Variants in THSD7B observed in about 807,000 individuals in gnomAD.
The protein encoded by THSD7B is thrombospondin type-1 domain-containing protein 7B.
THSD7B carries 138 observed loss-of-function variants against 213.6 expected under a neutral mutation model. That is an observed-to-expected ratio of 0.65 (90% CI 0.56 to 0.74). The LOEUF is 0.74. THSD7B is among the 30% of genes least tolerant of loss of function. The probability of loss-of-function intolerance (pLI) is 0.00; values close to 1 mark genes in which losing one functional copy is unlikely to be tolerated. For synonymous variants in THSD7B, 742 were observed against 687.0 expected, an observed-to-expected ratio of 1.08 and a Z score of -1.25; for missense variants, 1,931 against 1,991.5, an observed-to-expected ratio of 0.97 and a Z score of 0.58.
chr2:137,042,987 GA>G (rs1379357017), intron 2 of THSD7B, among the ~76,000 whole-genome samples: 1 of 152,202 alleles, frequency 6.6e-6, no homozygotes, highest in Non-Finnish European at 1.5e-5. Flanking sequence ...GCCCAGCTTG[GA>G]AAGGGTAATG....
At chr2:136,978,668 C>T (rs991983289) in intron 2 of THSD7B, among the ~76,000 whole-genome samples, 1 of 152,070 alleles carries the variant, frequency 6.6e-6, no homozygotes, top group African/African-American at 2.4e-5. Flanking sequence ...TTATTTTGAG[C>T]CTATGTTTGT....
intron 10 of THSD7B, among the ~76,000 whole-genome samples, chr2:137,254,176 T>TATTCTA (rs1201202452): frequency 6.6e-6 from 1 of 152,200 alleles, no homozygotes; most frequent in Non-Finnish European, 1.5e-5. Flanking sequence ...TACATATAGA[T>TATTCTA]GGTTCAGATA....
chr2:137,004,280 AGT>A (rs1174019077), intron 2 of THSD7B, among the ~76,000 whole-genome samples: 1 of 144,576 alleles, frequency 6.9e-6, no homozygotes, highest in Non-Finnish European at 1.5e-5. Flanking sequence ...CCCGTGACCC[AGT>A]GTGTGTGCAC....
At chr2:137,448,708 A>AG (rs1159481044) in intron 14 of THSD7B, among the ~76,000 whole-genome samples, 1 of 152,086 alleles carries the variant, frequency 6.6e-6, no homozygotes, top group Non-Finnish European at 1.5e-5. Flanking sequence ...CTGAGGCCGG[A>AG]GAATGGCGTG....
chr2:137,674,023 T>C (rs1683640861), intron 27 of THSD7B, among the ~76,000 whole-genome samples: 1 of 152,186 alleles, frequency 6.6e-6, no homozygotes, highest in South Asian at 2.1e-4. Flanking sequence ...GTAAGTGGTA[T>C]AAACATATTT....
At chr2:137,175,629 G>A (rs1172038247) in intron 7 of THSD7B, among the ~76,000 whole-genome samples, 1 of 152,140 alleles carries the variant, frequency 6.6e-6, no homozygotes, top group African/African-American at 2.4e-5. Context: ...ATCATTAACT[G>A]TGAACACTCC....
intron 5 of THSD7B, among the ~76,000 whole-genome samples, chr2:137,126,670 A>G (rs975022695): frequency 1.1e-4 from 17 of 152,116 alleles, no homozygotes; most frequent in African/African-American, 4.1e-4. Flanking sequence ...TTTCCCTCAA[A>G]AACTTTTTCT....
intron 2 of THSD7B, among the ~76,000 whole-genome samples, chr2:136,947,543 A>AT (rs1658945493): frequency 6.6e-6 from 1 of 152,094 alleles, no homozygotes; most frequent in Non-Finnish European, 1.5e-5. Flanking sequence ...AACATTTCTG[A>AT]TGATAGACGA....
intron 3 of THSD7B, among the ~76,000 whole-genome samples, chr2:137,064,468 T>C (rs201756557): frequency 1.3e-5 from 2 of 152,178 alleles, no homozygotes; most frequent in South Asian, 2.1e-4. Context: ...TTCTCATCAG[T>C]TTGTTGATTG....
intron 2 of THSD7B, among the ~76,000 whole-genome samples, chr2:137,049,822 A>G (rs1244566339): frequency 1.3e-5 from 2 of 152,228 alleles, no homozygotes; most frequent in African/African-American, 2.4e-5. Flanking sequence ...ATAAACTTGT[A>G]TAACACAAAC....
chr2:137,653,800 G>A (rs1277152098), intron 21 of THSD7B, among the ~76,000 whole-genome samples: 2 of 151,764 alleles, frequency 1.3e-5, no homozygotes, highest in African/African-American at 2.4e-5. Context: ...TAATTTCTCT[G>A]ATAAATTTCT....
chr2:137,398,850 G>T (rs550820450), intron 12 of THSD7B, among the ~76,000 whole-genome samples: 1 of 152,308 alleles, frequency 6.6e-6, no homozygotes, highest in South Asian at 2.1e-4. Context: ...AGCCAGGTGC[G>T]GGATATAATC....
chr2:136,877,949 T>G (rs1390812147), intron 1 of THSD7B, among the ~76,000 whole-genome samples: 3 of 152,086 alleles, frequency 2.0e-5, no homozygotes, highest in African/African-American at 7.2e-5. Context: ...ACTTTAAGTT[T>G]TAGGGTACAT....
In THSD7B at chr2:137,275,906, G is replaced by A. The variant is rs201983982; in HGVS notation, c.2397-17G>A. On this transcript the variant is annotated splice_polypyrimidine_tract_variant and intron_variant, in intron 11 of 27. Transcript: ENST00000409968. ...ATCACAGTAAAGTTTCTAGTCCATC[G>A]TTTTTGGTAATCACAGGTGGAAGCC... 569 of 1,596,128 alleles carry A rather than the reference G, an allele frequency of 3.6e-4. No homozygotes were observed. The highest frequency in any genetic ancestry group is 4.6e-4 in the Non-Finnish European group (534 of 1,168,998).
At chr2:137,469,883 T>C (rs929058405) in intron 15 of THSD7B, among the ~76,000 whole-genome samples, 7 of 152,212 alleles carry the variant, frequency 4.6e-5, no homozygotes, top group African/African-American at 1.7e-4. Flanking sequence ...AAGTGAGAAG[T>C]AGTTTTAATA....
chr2:137,455,719 T>A (rs1170704830), intron 15 of THSD7B, among the ~76,000 whole-genome samples: 1 of 152,208 alleles, frequency 6.6e-6, no homozygotes, highest in Non-Finnish European at 1.5e-5. Context: ...TATTATCAGG[T>A]TAGTTGGCTA....
At chr2:137,480,907 G>A (rs865776643) in intron 15 of THSD7B, among the ~76,000 whole-genome samples, 19 of 152,330 alleles carry the variant, frequency 1.2e-4, no homozygotes, top group African/African-American at 4.3e-4. Context: ...CCAAAATCTT[G>A]TTGAAACCTA....
At chr2:137,070,148 CTTTGTGCTTG>C (rs1231196002) in intron 3 of THSD7B, among the ~76,000 whole-genome samples, 2 of 151,962 alleles carry the variant, frequency 1.3e-5, no homozygotes, top group East Asian at 3.9e-4. Flanking sequence ...CCATTTTGTA[CTTTGTGCTTG>C]TTTGTATCTT....
chr2:137,475,129 T>G (rs981458632), intron 15 of THSD7B, among the ~76,000 whole-genome samples: 57 of 152,336 alleles, frequency 3.7e-4, no homozygotes, highest in African/African-American at 1.3e-3. Flanking sequence ...TTTGTTCATA[T>G]GTACTTAGAT....
Sources: gnomAD v4.1 joint callset for allele counts (sites outside exome capture counted in the v4.1 genomes callset) on GRCh38, gnomAD v4.1.1 for gene constraint, MANE v1.5 for transcripts, NCBI Gene and HGNC (gene_info 2026-07-23, HGNC 2026-07-21) for gene names.